FBXL13: variants seen among roughly 807,000 people sequenced by gnomAD.
FBXL13 encodes the protein F-box and leucine rich repeat protein 13.
Under a neutral mutation model 83.6 loss-of-function variants are expected in FBXL13, and 67 were observed. The ratio of observed to expected loss-of-function variants is 0.80; its 90% CI spans 0.66 to 0.98. FBXL13 has a LOEUF of 0.98. Among genes scored for constraint, FBXL13 ranks in the 50% least tolerant of loss-of-function variants. The probability of loss-of-function intolerance (pLI) is 0.00; values close to 1 mark genes in which losing one functional copy is unlikely to be tolerated. For synonymous variants in FBXL13, 272 were observed against 299.5 expected (o/e 0.91, Z 0.95); for missense variants, 822 against 866.5 (o/e 0.95, Z 0.64).
rs144824968 is a variant in FBXL13, at chr7:102,937,045, C to A, written c.725-5112G>T. Among the ~76,000 whole-genome samples the A allele has an allele frequency of 3.1e-3, 478 of 152,158 alleles. 2 individuals are homozygous for A. Among genetic ancestry groups the A allele is most frequent in the African/African-American group, 0.011 (444 of 41,510 alleles). On this transcript the variant is annotated intron_variant, in intron 8 of 19. Coordinates refer to ENST00000313221, the Ensembl canonical transcript of FBXL13. ...TCCAGAAATGCCCCATAAATTCATACCCCCTGCTTTAAAAATACACATTAT... is the reference window on the plus strand; with the variant it reads ...TCCAGAAATGCCCCATAAATTCATAACCCCTGCTTTAAAAATACACATTAT...
At chr7:103,000,631 G>A (rs1790286454) in intron 6 of FBXL13, among the ~76,000 whole-genome samples, 1 of 152,194 alleles carries the variant, frequency 6.6e-6, no homozygotes. Flanking sequence ...TCACTCCAAT[G>A]TTCCTTTGTT....
chr7:102,948,119 A>C (rs1370571137), intron 8 of FBXL13, among the ~76,000 whole-genome samples: 1 of 150,110 alleles, frequency 6.7e-6, no homozygotes, highest in African/African-American at 2.5e-5. Flanking sequence ...GCAGGAGTGC[A>C]ATGGCACCAT....
chr7:102,928,361 C>G (rs1376592982), intron 9 of FBXL13, among the ~76,000 whole-genome samples: 1 of 152,210 alleles, frequency 6.6e-6, no homozygotes, highest in African/African-American at 2.4e-5. Flanking sequence ...AATTTGTCCA[C>G]AATGTACTCA....
chr7:102,980,619 T>C (rs751608356), intron 6 of FBXL13, among the ~76,000 whole-genome samples: 1 of 151,916 alleles, frequency 6.6e-6, no homozygotes, highest in Non-Finnish European at 1.5e-5. Flanking sequence ...CTACTAAAAA[T>C]ACAAAGAATT....
intron 6 of FBXL13, among the ~76,000 whole-genome samples, chr7:103,018,107 C>G (rs939010219): frequency 2.0e-5 from 3 of 152,236 alleles, no homozygotes; most frequent in Non-Finnish European, 4.4e-5. Flanking sequence ...GGAATCCCAT[C>G]AGAATAACAG....
At chr7:103,036,442 C>A (rs1193505634) in intron 2 of FBXL13, among the ~76,000 whole-genome samples, 1 of 152,032 alleles carries the variant, frequency 6.6e-6, no homozygotes, top group African/African-American at 2.4e-5. Context: ...TATATAGCAG[C>A]ACGGCATGGT....
At chr7:102,965,351 G>C (rs1208352643) in intron 7 of FBXL13, among the ~76,000 whole-genome samples, 1 of 152,120 alleles carries the variant, frequency 6.6e-6, no homozygotes, top group African/African-American at 2.4e-5. Flanking sequence ...AAAAATAACA[G>C]TGCCTAACTC....
intron 6 of FBXL13, among the ~76,000 whole-genome samples, chr7:103,019,003 A>G (rs1392280099): frequency 6.6e-6 from 1 of 152,220 alleles, no homozygotes; most frequent in Non-Finnish European, 1.5e-5. Context: ...TCTCCACCCC[A>G]AATCAACAGA....
At chr7:102,940,076 T>C (rs563050538) in intron 8 of FBXL13, among the ~76,000 whole-genome samples, 7 of 151,786 alleles carry the variant, frequency 4.6e-5, no homozygotes, top group African/African-American at 1.7e-4. Flanking sequence ...GTATTTTTAG[T>C]AGAGATGGGG....
At chr7:103,024,852 TATA>T (rs1462653023) in intron 6 of FBXL13, among the ~76,000 whole-genome samples, 175 of 102,380 alleles carry the variant, frequency 1.7e-3, no homozygotes, top group African/African-American at 2.7e-3. Flanking sequence ...TATATATATA[TATA>T]TATTTTTTTT....
chr7:102,885,321 G>A (rs1476973457), intron 11 of FBXL13, among the ~76,000 whole-genome samples: 1 of 152,148 alleles, frequency 6.6e-6, no homozygotes, highest in East Asian at 1.9e-4. Context: ...TTGTGGGCTT[G>A]AAGTGGTACT....
At chr7:102,815,442 C>T (rs577975139) in intron 19 of FBXL13, among the ~76,000 whole-genome samples, 1 of 152,204 alleles carries the variant, frequency 6.6e-6, no homozygotes, top group South Asian at 2.1e-4. Context: ...GTCCTTTAAC[C>T]CTCTTGGCTT....
At chr7:103,065,037 G>A (rs991459506) in intron 1 of FBXL13, among the ~76,000 whole-genome samples, 3 of 152,182 alleles carry the variant, frequency 2.0e-5, no homozygotes, top group Non-Finnish European at 2.9e-5. Context: ...GATTCCTGTT[G>A]TTGTAAGCCA....
At chr7:103,049,775 C>T (rs1392250174) in intron 2 of FBXL13, among the ~76,000 whole-genome samples, 1 of 152,192 alleles carries the variant, frequency 6.6e-6, no homozygotes, top group Non-Finnish European at 1.5e-5. Flanking sequence ...CGACTTTAGC[C>T]AGGCCAAAGA....
At chr7:102,940,640 CAAACCA>C in intron 8 of FBXL13, among the ~76,000 whole-genome samples, 1 of 152,206 alleles carries the variant, frequency 6.6e-6, no homozygotes, top group South Asian at 2.1e-4. Context: ...AAAATGTGCT[CAAACCA>C]GAGCCAGACA....
intron 1 of FBXL13, among the ~76,000 whole-genome samples, chr7:103,058,961 T>C (rs181842416): frequency 2.0e-5 from 3 of 152,316 alleles, no homozygotes; most frequent in East Asian, 1.9e-4. Context: ...ACTTTTCACA[T>C]AGGAAATCTC....
intron 8 of FBXL13, among the ~76,000 whole-genome samples, chr7:102,955,136 T>C (rs1295302948): frequency 2.0e-5 from 3 of 152,136 alleles, no homozygotes; most frequent in African/African-American, 7.2e-5. Flanking sequence ...GACCACATAA[T>C]TGGAAGTAAA....
intron 6 of FBXL13, among the ~76,000 whole-genome samples, chr7:102,973,955 G>C (rs1010849930): frequency 6.6e-6 from 1 of 152,176 alleles, no homozygotes; most frequent in South Asian, 2.1e-4. Context: ...AAAAGGCAGC[G>C]GTGACGATCG....
chr7:102,854,889 T>A, intron 16 of FBXL13, 29 bp from the exon 18 acceptor site: 1 of 1,299,494 alleles, frequency 7.7e-7, no homozygotes, highest in Non-Finnish European at 1.1e-6. Context: ...AAGATCATTT[T>A]GTGATTATCA....
Sources: allele counts gnomAD v4.1 joint callset (sites outside exome capture counted in the v4.1 genomes callset), GRCh38; gene constraint gnomAD v4.1.1; transcripts MANE v1.5; gene names NCBI Gene and HGNC (gene_info 2026-07-23, HGNC 2026-07-21).